Variants in ATAD3A observed in about 807,000 individuals in gnomAD.
ATAD3A encodes the protein ATPase family AAA domain-containing protein 3A.
Under a neutral mutation model 73.8 loss-of-function variants are expected in ATAD3A, and 46 were observed. That is an observed-to-expected ratio of 0.62 (90% confidence interval 0.49 to 0.80). The LOEUF (loss-of-function observed/expected upper bound fraction) is 0.80, where lower values mean the gene tolerates loss of function less well. Among genes scored for constraint, ATAD3A ranks in the 30% least tolerant of loss-of-function variants. The probability of loss-of-function intolerance (pLI) is 0.00; values close to 1 mark genes in which losing one functional copy is unlikely to be tolerated. For synonymous variants in ATAD3A, 319 were observed against 350.0 expected (o/e 0.91, Z 0.99); for missense variants, 705 against 838.0 (o/e 0.84, Z 1.96).
chr1:1,521,831 C>T (rs1343933941), intron 7 of ATAD3A, among the ~76,000 whole-genome samples: 1 of 151,612 alleles, frequency 6.6e-6, no homozygotes, highest in Non-Finnish European at 1.5e-5. Context: ...TCCCAAGTGA[C>T]TGGGATTACA....
rs1438640539 is a variant in ATAD3A, at chr1:1,526,328, C to G, written c.1267-133C>G. 33 of 1,536,658 alleles carry G rather than the reference C, an allele frequency of 2.1e-5. No individual in the cohort carries two copies. In the East Asian group the frequency reaches 7.5e-4, roughly 35 times the overall value. On this transcript the variant is annotated intron_variant, in intron 12 of 15. Transcript: ENST00000378756. ...GCCACCGCCCCTGGCCCTGGTCAGG[C>G]TTTTGAGAGTAGATCCATGAAAGTG...
At chr1:1,529,359 A>G in intron 15 of ATAD3A, 28 bp downstream of exon 15, 10 of 1,534,500 alleles carry the variant, frequency 6.5e-6, no homozygotes, top group Non-Finnish European at 8.8e-6. Flanking sequence ...ACGTCCACCC[A>G]GACGGGACCC....
intron 7 of ATAD3A, among the ~76,000 whole-genome samples, chr1:1,521,341 C>T (rs961817639): frequency 4.8e-5 from 7 of 146,570 alleles, no homozygotes; most frequent in African/African-American, 1.5e-4. Context: ...CAGAAGGCAA[C>T]CCTGACTCCA....
intron 1 of ATAD3A, among the ~76,000 whole-genome samples, chr1:1,514,871 T>C (rs1324494764): frequency 6.6e-6 from 1 of 152,164 alleles, no homozygotes; most frequent in Non-Finnish European, 1.5e-5. Context: ...TTAGCAGATT[T>C]ATATGTTTAT....
Position 1,520,141 on chromosome 1 carries a change from C to A in ATAD3A, c.515C>A (p.Ala172Asp), listed in dbSNP as rs1436705495. 6.2e-7 allele frequency: 1 copy of A among 1,609,546 alleles called. No homozygotes were observed. The highest frequency in any genetic ancestry group is 1.3e-5 in the African/African-American group (1 of 74,980). Residue 172 changes from alanine (A) to aspartate (D), a missense_variant and splice_region_variant, in exon 6 of 16, where the codon GCC (alanine) becomes GAC (aspartate). Transcript: ENST00000378756. The surrounding 1 kb of genome is among the most constrained non-coding windows in gnomAD (Gnocchi z 4.0). ...GAGCTGCCCTGCCTCTCTGGGGCAGCCACCGTGGAGCGGGAGATGGAGCTG... is the reference window on the plus strand; with the variant it reads ...GAGCTGCCCTGCCTCTCTGGGGCAGACACCGTGGAGCGGGAGATGGAGCTG... ...SVQKQEAMRRATVEREMELRH... is the reference protein window; with the variant it reads ...SVQKQEAMRRDTVEREMELRH...
At chr1:1,518,297 C>A (rs2100651527) in intron 4 of ATAD3A, among the ~76,000 whole-genome samples, 1 of 114,432 alleles carries the variant, frequency 8.7e-6, no homozygotes, top group East Asian at 3.4e-4. Flanking sequence ...CCCCCCCACA[C>A]ACACACAGGC....
intron 15 of ATAD3A, among the ~76,000 whole-genome samples, chr1:1,532,972 G>A (rs997698497): frequency 1.3e-4 from 20 of 152,276 alleles, no homozygotes; most frequent in South Asian, 8.3e-4. Context: ...GTCCGGCTCC[G>A]GTCAGTGTCT....
At chr1:1,514,058 CCT>C (rs1194190403) in intron 1 of ATAD3A, among the ~76,000 whole-genome samples, 5 of 152,082 alleles carry the variant, frequency 3.3e-5, no homozygotes, top group Non-Finnish European at 5.9e-5. Flanking sequence ...AGCCTCGTGC[CCT>C]GTGGGTGTGA....
intron 14 of ATAD3A, among the ~76,000 whole-genome samples, chr1:1,528,806 G>T (rs1170383349): frequency 1.3e-5 from 2 of 152,208 alleles, no homozygotes; most frequent in Non-Finnish European, 2.9e-5. Context: ...CCAGCTTTCC[G>T]GGCCTCAGTT....
rs753400183 is a variant in ATAD3A, at chr1:1,522,902, A to G, written c.906+3A>G. On this transcript the variant is annotated splice_donor_region_variant and intron_variant, in intron 8 of 15. Transcript: ENST00000378756. ...AGGCGCTGCGGCACCCCATCCAGGT[A>G]GCAGCGCAGGCCTGGCCCTCCCTGA... The G allele has an allele frequency of 1.9e-6, 3 of 1,607,160 alleles. No individual in the cohort carries two copies. Among genetic ancestry groups the G allele is most frequent in the Non-Finnish European group, 2.5e-6 (3 of 1,179,512 alleles).
rs1163113247 is a variant in ATAD3A, at chr1:1,523,435, C to CGT, written c.907-68_907-67dup. The CGT allele has an allele frequency of 6.4e-6, 10 of 1,563,862 alleles. No homozygotes were observed. The highest frequency in any genetic ancestry group is 1.4e-5 in the African/African-American group (1 of 73,490). On this transcript the variant is annotated intron_variant, in intron 8 of 15. Transcript: ENST00000378756. This position sits in a 1 kb window ranked among gnomAD's most constrained non-coding sequence, Gnocchi z 5.1. Reference sequence around the variant, plus strand: ...AGCTCCGTTTCTGCGTGTTACCGAGCGTGTGTGTGCGCGTTGGTGGCTGTT... The same window carrying CGT: ...AGCTCCGTTTCTGCGTGTTACCGAGCGTGTGTGTGTGCGCGTTGGTGGCTGTT...
chr1:1,527,963 T>C (rs1570352737), intron 14 of ATAD3A, 101 bp downstream of exon 14: 43 of 1,289,122 alleles, frequency 3.3e-5, no homozygotes, highest in Middle Eastern at 2.8e-4. Context: ...CATTCCTTTT[T>C]TTTTTTTTTT....
rs1266254589 is a variant in ATAD3A, at chr1:1,522,860, C to T, written c.867C>T (p.Ser289=). ...AGCCGTCCCTAGTGAGGGAGACGTCCCGCATCACGGTGCTTGAGGCGCTGC... is the reference window on the plus strand; with the variant it reads ...AGCCGTCCCTAGTGAGGGAGACGTCTCGCATCACGGTGCTTGAGGCGCTGC... ...LGKPSLVRET[S]RITVLEALRH... Residue 289 remains serine, a synonymous_variant, in exon 8 of 16, where the codon TCC becomes TCT. Coordinates refer to ENST00000378756, the MANE Select transcript of ATAD3A (RefSeq NM_001170535.3). 1.9e-6 allele frequency: 3 copies of T among 1,609,946 alleles called. No individual in the cohort carries two copies. The African/African-American group carries it at 4.1e-5, about 22-fold the overall frequency.
intron 15 of ATAD3A, among the ~76,000 whole-genome samples, 179 bp downstream of exon 15, chr1:1,529,510 C>T (rs1371975403): frequency 1.3e-5 from 2 of 152,246 alleles, no homozygotes; most frequent in Non-Finnish European, 2.9e-5. Flanking sequence ...AGGCATCGCG[C>T]ACCTGCTCGT....
chr1:1,518,357 A>C (rs1477473613), intron 4 of ATAD3A, among the ~76,000 whole-genome samples: 1 of 127,536 alleles, frequency 7.8e-6, no homozygotes, highest in Non-Finnish European at 1.6e-5. Context: ...TCGGGCACAC[A>C]CACAGCCCCA....
intron 7 of ATAD3A, among the ~76,000 whole-genome samples, chr1:1,521,159 C>T (rs1460681979): frequency 2.6e-5 from 4 of 151,040 alleles, no homozygotes; most frequent in Admixed American, 1.3e-4. Context: ...ATTAGCCGGG[C>T]GCAGTGGCGG....
intron 15 of ATAD3A, among the ~76,000 whole-genome samples, chr1:1,532,925 G>A (rs906977129): frequency 1.1e-4 from 17 of 152,028 alleles, no homozygotes; most frequent in Admixed American, 9.8e-4. Flanking sequence ...TCCGGTCAGT[G>A]TCTCCTGCGC....
rs1432549305 is a variant in ATAD3A, at chr1:1,517,077, G to C, written c.283-234G>C. The C allele has an allele frequency of 4.6e-6, 7 of 1,514,282 alleles. No homozygotes were observed. In the South Asian group the frequency reaches 9.0e-5, roughly 20 times the overall value. 93.8% of individuals were successfully genotyped at this position (1,514,282 alleles called of 1,614,324 possible). ...CAGTGCAGTCCAAAAGGGGGTGTCC[G>C]GCCTCCCTCCCGGGGGGCCTTCGCG... On this transcript the variant is annotated intron_variant, in intron 2 of 15. Coordinates refer to ENST00000378756, the MANE Select transcript of ATAD3A (RefSeq NM_001170535.3).
intron 12 of ATAD3A, among the ~76,000 whole-genome samples, chr1:1,526,117 G>A (rs1641834381): frequency 6.6e-6 from 1 of 151,794 alleles, no homozygotes; most frequent in African/African-American, 2.4e-5. Flanking sequence ...CTGCCTCCCA[G>A]GTTTCAGTGA....
Sources: gnomAD v4.1 joint callset for allele counts (sites outside exome capture counted in the v4.1 genomes callset) on GRCh38, gnomAD v4.1.1 for gene constraint, Gnocchi (gnomAD v3.1) non-coding constraint, MANE v1.5 for transcripts, NCBI Gene and HGNC (gene_info 2026-07-23, HGNC 2026-07-21) for gene names.